The following SYT8 variants were observed in gnomAD, a reference collection of about 807,000 sequenced individuals.
SYT8 encodes the protein synaptotagmin 8.
Under a neutral mutation model 34.9 loss-of-function variants are expected in SYT8, and 50 were observed. That is an observed-to-expected ratio of 1.43 (90% CI 1.14 to 1.81). The LOEUF (loss-of-function observed/expected upper bound fraction) is 1.81, where lower values mean the gene tolerates loss of function less well. Ranked by LOEUF, SYT8 falls within the 40% of genes most tolerant of loss-of-function variation. The probability of loss-of-function intolerance (pLI) is 0.00; values close to 1 mark genes in which losing one functional copy is unlikely to be tolerated. For missense variants in SYT8, 595 were observed against 529.0 expected (o/e 1.12, Z -1.22); for synonymous variants, 255 against 234.2 (o/e 1.09, Z -0.81).
rs758527595 is a variant in SYT8, at chr11:1,835,422, G to C, written c.221G>C (p.Gly74Ala). 114 of 1,609,640 alleles carry C rather than the reference G, an allele frequency of 7.1e-5. No homozygotes were observed. The highest frequency in any genetic ancestry group is 3.3e-4 in the Middle Eastern group (2 of 6,078). The change falls in exon 2 of 8, where the codon GGT becomes GCT. Residue 74 changes from glycine to alanine, a missense_variant. Transcript: ENST00000341958. ...RKKPRDKESV[G>A]LGSARGTTTT... ...AAGCCCAGGGACAAGGAGTCCGTGG[G>C]TCTGGGCAGTGCCCGCGGCACCACC...
chr11:1,836,418 G>A lies in SYT8; in HGVS notation c.517-7G>A. The stretch of plus-strand genomic sequence containing the variant: ...GCAGCAGGGCCTGGCTCACGCCGCT[G>A]CCTCAGATCCCGCAGGCGGAGCTGC... On this transcript the variant is annotated splice_region_variant and splice_polypyrimidine_tract_variant and intron_variant, in intron 4 of 7. Transcript: ENST00000341958. 6.5e-7 allele frequency: 1 copy of A among 1,544,946 alleles called. No homozygotes were observed.
Position 1,835,316 on chromosome 11 carries a change from G to A in SYT8, c.115G>A (p.Ala39Thr), listed in dbSNP as rs1846844282. ...CCCAGGGCCCCGCTGGGCTCTCATT[G>A]CCGGCGCCCTTGCCGCGGGCGTCCT... ...GTPWPRWALI[A>T]GALAAGVLLV... The change falls in exon 2 of 8, where the codon GCC becomes ACC. Residue 39 changes from alanine to threonine, a missense_variant. Transcript: ENST00000341958. 1 of 1,601,568 alleles carries A rather than the reference G, an allele frequency of 6.2e-7. No individual in the cohort carries two copies. Among genetic ancestry groups the A allele is most frequent in the Non-Finnish European group, 8.5e-7 (1 of 1,173,484 alleles).
Position 1,837,232 on chromosome 11 carries a change from C to G in SYT8, c.965C>G (p.Pro322Arg). 6.4e-7 allele frequency: 1 copy of G among 1,572,246 alleles called. No individual in the cohort carries two copies. Among genetic ancestry groups the G allele is most frequent in the Non-Finnish European group, 8.6e-7 (1 of 1,161,188 alleles). ...LVLAVWDRSL[P>R]LRTEPVGKVH... ...CTGGCTGTCTGGGACCGCAGCCTGC[C>G]GCTCCGAACTGAGCCCGTAGGCAAG... The change falls in exon 8 of 8, where the codon CCG (proline) becomes CGG (arginine). Residue 322 changes from proline (P) to arginine (R), a missense_variant. Coordinates refer to ENST00000341958, the MANE Select transcript of SYT8 (RefSeq NM_001394072.1).
chr11:1,832,088 C>T (rs1482930992), upstream of SYT8, among the ~76,000 whole-genome samples: 2 of 152,200 alleles, frequency 1.3e-5, no homozygotes, highest in African/African-American at 4.8e-5. Context: ...AAAGGAGGGG[C>T]TCACCCCCGT....
In SYT8 at chr11:1,836,250, T is replaced by C. The variant is rs143938340; in HGVS notation, c.482T>C (p.Leu161Pro). The change falls in exon 4 of 8, where the codon CTC (leucine) becomes CCC (proline). Residue 161 changes from leucine to proline, a missense_variant. By Grantham distance (98) the Leu-to-Pro change is moderately conservative. Coordinates refer to ENST00000341958, the MANE Select transcript of SYT8 (RefSeq NM_001394072.1). ...GAGACAAAAGTGCACCGAGGCACGC[T>C]CTGCCCCGTGTTTGACGAGACCTGC... ...RHETKVHRGTLCPVFDETCCF... is the reference protein window; with the variant it reads ...RHETKVHRGTPCPVFDETCCF... 6.3e-7 allele frequency: 1 copy of C among 1,581,040 alleles called. No homozygotes were observed. Among genetic ancestry groups the C allele is most frequent in the Non-Finnish European group, 8.6e-7 (1 of 1,165,704 alleles).
At position 1,836,503 on chromosome 11, in the gene SYT8, C is replaced by T. The variant is rs878964962; in HGVS notation, c.595C>T (p.Leu199=). Residue 199 remains leucine (L), a synonymous_variant, in exon 5 of 8, where the codon CTG becomes TTG. Transcript: ENST00000341958. ...NFKRFSGHEP[L]GELRLPLGTV... is the part of the protein sequence containing the mutation. Reference sequence around the variant, plus strand: ...CAAGCGCTTCTCGGGGCATGAGCCCCTGGGTGAGCTCCGTCTGCCACTGGG... The same window carrying T: ...CAAGCGCTTCTCGGGGCATGAGCCCTTGGGTGAGCTCCGTCTGCCACTGGG... 1.2e-6 allele frequency: 2 copies of T among 1,612,610 alleles called. No homozygotes were observed. The highest frequency in any genetic ancestry group is 1.7e-5 in the Admixed American group (1 of 59,994).
intron 2 of SYT8, 101 bp downstream of exon 2, chr11:1,835,560 C>A: frequency 7.2e-7 from 1 of 1,396,444 alleles, no homozygotes; most frequent in Non-Finnish European, 9.9e-7. Context: ...GATGGTTTAA[C>A]CCCCACAGAG....
At chr11:1,834,958 CT>C (rs1173213923), upstream of SYT8, 2 of 771,348 alleles carry the variant, frequency 2.6e-6, no homozygotes, top group African/African-American at 1.7e-5. The surrounding 1 kb of genome is among the most constrained non-coding windows in gnomAD (Gnocchi z 4.5). Context: ...ACCCTCGCCC[CT>C]GGCCACCCCG....
rs1382297437 is a variant in SYT8 at position 1,835,080 on chromosome 11, T to C, written c.-26T>C. ...CAGCTGACCCAGCCTCCTGGGCCGC[T>C]TCTTCCAAACCAGCAGGGTAGAAAG... is the stretch of plus-strand genomic sequence containing the variant. On this transcript the variant is annotated 5_prime_UTR_variant, in exon 1 of 8. Transcript: ENST00000341958. The C allele has an allele frequency of 6.2e-7, 1 of 1,611,782 alleles. No homozygotes were observed. Among genetic ancestry groups the C allele is most frequent in the African/African-American group, 1.3e-5 (1 of 74,900 alleles).
At chr11:1,834,365 A>C (rs1175570575), upstream of SYT8, 26 of 596,208 alleles carry the variant, frequency 4.4e-5, no homozygotes, top group Admixed American at 7.2e-4. This position sits in a 1 kb window ranked among gnomAD's most constrained non-coding sequence, Gnocchi z 4.5. Context: ...GTGTGTGTGG[A>C]ATGTTCTGGC....
Position 1,835,892 on chromosome 11 carries a change from C to A in SYT8, c.265C>A (p.Pro89Thr). Reference protein sequence around the residue: ...RGTTTTHLVQPDVDGLESSPG... With the variant: ...RGTTTTHLVQTDVDGLESSPG... ...TTGTCCCAACTCACTCCAGGTGCAACCTGATGTGGATGGCCTGGAGTCCAG... is the reference window on the plus strand; with the variant it reads ...TTGTCCCAACTCACTCCAGGTGCAAACTGATGTGGATGGCCTGGAGTCCAG... The change falls in exon 3 of 8, where the codon CCT becomes ACT. Residue 89 changes from proline (P) to threonine (T), a missense_variant. Pro to Thr is a conservative substitution (Grantham distance 38). Coordinates refer to ENST00000341958, the MANE Select transcript of SYT8 (RefSeq NM_001394072.1). 6.2e-7 allele frequency: 1 copy of A among 1,612,176 alleles called. No individual in the cohort carries two copies. Among genetic ancestry groups the A allele is most frequent in the Non-Finnish European group, 8.5e-7 (1 of 1,179,440 alleles).
chr11:1,836,353 A>G (rs1015167893), intron 4 of SYT8, 69 bp downstream of exon 4: 1 of 1,491,096 alleles, frequency 6.7e-7, no homozygotes, highest in Middle Eastern at 1.8e-4. Context: ...GGGCCTGGGC[A>G]GCTGGGTGGG....
intron 4 of SYT8, 44 bp from the exon 5 acceptor site, chr11:1,836,381 G>A (rs771610627): frequency 6.6e-7 from 1 of 1,505,216 alleles, no homozygotes; most frequent in Admixed American, 2.2e-5. Context: ...AGCTGGGTGG[G>A]CCTGAGCTAG....
At position 1,835,092 on chromosome 11, in the gene SYT8, A is replaced by C; in HGVS notation, c.-14A>C. ...CCTCCTGGGCCGCTTCTTCCAAACCAGCAGGGTAGAAAGATGGGGCACCCA... is the reference window on the plus strand; with the variant it reads ...CCTCCTGGGCCGCTTCTTCCAAACCCGCAGGGTAGAAAGATGGGGCACCCA... On this transcript the variant is annotated 5_prime_UTR_variant, in exon 1 of 8. Coordinates refer to ENST00000341958, the MANE Select transcript of SYT8 (RefSeq NM_001394072.1). 1 of 1,612,686 alleles carries C rather than the reference A, an allele frequency of 6.2e-7. No homozygotes were observed. Among genetic ancestry groups the C allele is most frequent in the South Asian group, 1.1e-5 (1 of 91,044 alleles).
intron 2 of SYT8, 76 bp downstream of exon 2, chr11:1,835,535 G>A (rs747698478): frequency 4.2e-5 from 65 of 1,545,200 alleles, no homozygotes; most frequent in African/African-American, 3.8e-4. Context: ...GCAGCGAGGC[G>A]AGTTCAGCCC....
In SYT8 at chr11:1,835,927, T is replaced by A. The variant is rs780885565; in HGVS notation, c.300T>A (p.Asp100Glu). ...DVDGLESSPGDAQQWGCLQLS... is the reference protein window; with the variant it reads ...DVDGLESSPGEAQQWGCLQLS... ...ATGGCCTGGAGTCCAGCCCGGGGGA[T>A]GCTCAGCAATGGGGGTGCCTGCAGC... Residue 100 changes from aspartate (D) to glutamate (E), a missense_variant, in exon 3 of 8, where the codon GAT (aspartate) becomes GAA (glutamate). Transcript: ENST00000341958. 5.6e-6 allele frequency: 9 copies of A among 1,607,974 alleles called. No homozygotes were observed. The African/African-American group carries it at 1.2e-4, about 22-fold the overall frequency.
rs769171292 is a variant in SYT8, at chr11:1,837,328, G to A, written c.1061G>A (p.Arg354Gln). The A allele has an allele frequency of 2.0e-5, 32 of 1,591,456 alleles. No individual in the cohort carries two copies. The highest frequency in any genetic ancestry group is 1.1e-4 in the East Asian group (5 of 44,606). Residue 354 changes from arginine (R) to glutamine (Q), a missense_variant, in exon 8 of 8, where the codon CGG becomes CAG. Coordinates refer to ENST00000341958, the MANE Select transcript of SYT8 (RefSeq NM_001394072.1). The part of the protein sequence containing the change: ...HWADMLAHAR[R>Q]PIAQRHPLRP... ...GCAGACATGCTGGCCCACGCCCGGC[G>A]GCCCATTGCCCAGCGGCACCCCCTG...
Position 1,837,513 on chromosome 11 carries a change from C to A in SYT8, c.*82C>A, listed in dbSNP as rs529972046. 5.2e-5 allele frequency: 81 copies of A among 1,547,144 alleles called. No individual in the cohort carries two copies. The East Asian group carries it at 1.7e-3, about 32-fold the overall frequency. ...GCAGGACCACTGCAATAAACGCCTT[C>A]TCCTGCCACTGTGTGTCCGGCTGGA... On this transcript the variant is annotated 3_prime_UTR_variant, in exon 8 of 8. Transcript: ENST00000341958.
At position 1,837,492 on chromosome 11, in the gene SYT8, GA is replaced by G; in HGVS notation, c.*62del. The G allele has an allele frequency of 6.3e-7, 1 of 1,576,402 alleles. No individual in the cohort carries two copies. The highest frequency in any genetic ancestry group is 8.6e-7 in the Non-Finnish European group (1 of 1,165,954). On this transcript the variant is annotated 3_prime_UTR_variant, in exon 8 of 8. Coordinates refer to ENST00000341958, the MANE Select transcript of SYT8 (RefSeq NM_001394072.1). The stretch of plus-strand genomic sequence containing the variant: ...GGCACTTGCCCAGGCCGCCCTGCAG[GA>G]CCACTGCAATAAACGCCTTCTCCTG...
Sources: gnomAD v4.1 joint callset for allele counts (sites outside exome capture counted in the v4.1 genomes callset) on GRCh38, gnomAD v4.1.1 for gene constraint, Gnocchi (gnomAD v3.1) non-coding constraint, MANE v1.5 for transcripts, NCBI Gene and HGNC (gene_info 2026-07-23, HGNC 2026-07-21) for gene names.